The following VAX2 variants were observed in gnomAD, a reference collection of about 807,000 sequenced individuals.
VAX2 encodes ventral anterior homeobox 2.
Under a neutral mutation model 12.5 loss-of-function variants are expected in VAX2, and 8 were observed. That is an observed-to-expected ratio of 0.64 (90% CI 0.37 to 1.15). The LOEUF is 1.15. Ranked by LOEUF, VAX2 falls within the 50% of genes most tolerant of loss-of-function variation. The pLI is 0.01. For missense variants in VAX2, 476 were observed against 412.9 expected (o/e 1.15, Z -1.32); for synonymous variants, 183 against 187.6 (o/e 0.98, Z 0.20).
At chr2:70,917,832 C>T (rs2104772440) in intron 1 of VAX2, among the ~76,000 whole-genome samples, 1 of 152,152 alleles carries the variant, frequency 6.6e-6, no homozygotes, top group East Asian at 1.9e-4. Flanking sequence ...ACAGGGTGGG[C>T]TTGAGGAGGC....
At position 70,933,087 on chromosome 2, in the gene VAX2, G is replaced by T. The variant is rs140378557; in HGVS notation, c.756G>T (p.Ser252=). ...PPPLPAVCFS[S]APLLDLPAGY... ...CTCTGCCAGCTGTCTGCTTTTCCTC[G>T]GCCCCGCTCCTGGATCTGCCTGCCG... The change falls in exon 3 of 3, where the codon TCG becomes TCT. Residue 252 remains serine (S), a synonymous_variant. Coordinates refer to ENST00000234392, the MANE Select transcript of VAX2 (RefSeq NM_012476.3). 1 of 1,609,816 alleles carries T rather than the reference G, an allele frequency of 6.2e-7. No individual in the cohort carries two copies. The highest frequency in any genetic ancestry group is 8.5e-7 in the Non-Finnish European group (1 of 1,178,286).
intron 1 of VAX2, among the ~76,000 whole-genome samples, chr2:70,905,165 A>C (rs1056094287): frequency 4.6e-5 from 7 of 152,128 alleles, no homozygotes; most frequent in Non-Finnish European, 8.8e-5. Flanking sequence ...AGTAAGGACC[A>C]CAGGACTTTA....
At chr2:70,917,840 G>A (rs1039819703) in intron 1 of VAX2, among the ~76,000 whole-genome samples, 2 of 152,072 alleles carry the variant, frequency 1.3e-5, no homozygotes, top group Non-Finnish European at 2.9e-5. Context: ...GGCTTGAGGA[G>A]GCTTATTAAG....
intron 2 of VAX2, among the ~76,000 whole-genome samples, chr2:70,929,678 C>G (rs2104787543): frequency 9.5e-6 from 1 of 105,312 alleles, no homozygotes; most frequent in South Asian, 3.6e-4. Context: ...CAGAGTGAGA[C>G]TCCATCTCAA....
intron 1 of VAX2, among the ~76,000 whole-genome samples, chr2:70,911,150 T>C (rs1284556187): frequency 1.3e-5 from 2 of 152,148 alleles, no homozygotes; most frequent in Non-Finnish European, 1.5e-5. Flanking sequence ...CTTGTTCCTA[T>C]GTGGTTACAA....
intron 2 of VAX2, among the ~76,000 whole-genome samples, chr2:70,924,891 T>C (rs1553413327): frequency 6.6e-6 from 1 of 151,710 alleles, no homozygotes; most frequent in Non-Finnish European, 1.5e-5. Context: ...GGAGCTCAAA[T>C]GGGGTCATAG....
intron 1 of VAX2, among the ~76,000 whole-genome samples, chr2:70,913,182 C>T (rs55698340): frequency 0.22 from 33,481 of 152,110 alleles, 4,196 homozygotes; most frequent in East Asian, 0.51. Flanking sequence ...CATCCTGATA[C>T]TCAGAAACCC....
chr2:70,912,972 G>T (rs1451318265), intron 1 of VAX2, among the ~76,000 whole-genome samples: 1 of 150,592 alleles, frequency 6.6e-6, no homozygotes, highest in African/African-American at 2.5e-5. Flanking sequence ...TACCTGCAAG[G>T]AAGCCCTGGA....
intron 1 of VAX2, among the ~76,000 whole-genome samples, chr2:70,902,765 G>A (rs1553409954): frequency 6.6e-6 from 1 of 152,198 alleles, no homozygotes; most frequent in Non-Finnish European, 1.5e-5. Flanking sequence ...GTGAGGTGGG[G>A]CCACCCAAGC....
In VAX2 at chr2:70,932,773, G is replaced by A. The variant is rs889638318; in HGVS notation, c.442G>A (p.Val148Ile). ...QLNLSETQVK[V>I]WFQNRRTKQK... ...CCCCCTCCCCCACCCCAAGGTGAAG[G>A]TCTGGTTCCAGAACCGCCGCACCAA... The change falls in exon 3 of 3, where the codon GTC (valine) becomes ATC (isoleucine). Residue 148 changes from valine (V) to isoleucine (I), a missense_variant. Coordinates refer to ENST00000234392, the MANE Select transcript of VAX2 (RefSeq NM_012476.3). The A allele has an allele frequency of 5.1e-6, 8 of 1,560,918 alleles. No homozygotes were observed. The highest frequency in any genetic ancestry group is 1.7e-4 in the Middle Eastern group (1 of 5,810).
intron 1 of VAX2, among the ~76,000 whole-genome samples, chr2:70,915,567 T>C (rs1679291473): frequency 6.6e-6 from 1 of 152,230 alleles, no homozygotes. Context: ...AGAAATTTCA[T>C]CCCAAGCCTA....
At chr2:70,908,416 A>G (rs1679108816) in intron 1 of VAX2, among the ~76,000 whole-genome samples, 1 of 152,154 alleles carries the variant, frequency 6.6e-6, no homozygotes, top group Admixed American at 6.5e-5. Flanking sequence ...GTTTATGCCT[A>G]TGGAAATCAG....
Position 70,900,756 on chromosome 2 carries a change from G to A in VAX2, c.135G>A (p.Glu45=). The A allele has an allele frequency of 2.0e-6, 3 of 1,486,912 alleles. No individual in the cohort carries two copies. The highest frequency in any genetic ancestry group is 1.8e-6 in the Non-Finnish European group (2 of 1,118,120). The allele number at this position is 1,486,912 out of a possible 1,614,324, so 92.1% of individuals were successfully genotyped here. Residue 45 remains glutamate, a synonymous_variant, in exon 1 of 3, where the codon GAG becomes GAA. Transcript: ENST00000234392. ...RADGGGHSPT[E]VAGTSASSPA... ...ATGGCGGTGGCCACAGCCCAACGGA[G>A]GTGGCCGGGACCTCAGCCTCCAGTC... is the stretch of plus-strand genomic sequence containing the variant.
intron 2 of VAX2, among the ~76,000 whole-genome samples, chr2:70,923,018 A>AGTGTGT (rs3836140): frequency 7.3e-5 from 11 of 151,168 alleles, no homozygotes; most frequent in South Asian, 6.3e-4. Context: ...AGAGACAGAT[A>AGTGTGT]GTGTGTGTGT....
intron 1 of VAX2, among the ~76,000 whole-genome samples, chr2:70,913,204 G>A (rs1450111387): frequency 6.6e-6 from 1 of 152,168 alleles, no homozygotes; most frequent in Non-Finnish European, 1.5e-5. Context: ...GGCTGGTAAA[G>A]CTTCTTCACT....
chr2:70,930,089 T>C (rs1553414120), intron 2 of VAX2, among the ~76,000 whole-genome samples: 1 of 152,232 alleles, frequency 6.6e-6, no homozygotes, highest in African/African-American at 2.4e-5. Context: ...GTCCCAGAAC[T>C]TGGGAGGCTG....
chr2:70,913,146 A>T lies in VAX2; in HGVS notation c.248-7952A>T, dbSNP rs781893554. The stretch of plus-strand genomic sequence containing the variant: ...ACACAAATGCATTTATCACTCACAG[A>T]AGTCCATCACAAGTGGACAGGGGCT... On this transcript the variant is annotated intron_variant, in intron 1 of 2. Transcript: ENST00000234392. 2.0e-4 allele frequency among the ~76,000 whole-genome samples: 31 copies of T among 152,240 alleles called. 1 individual carries two copies. The highest frequency in any genetic ancestry group is 3.4e-4 in the Non-Finnish European group (23 of 68,050).
intron 1 of VAX2, among the ~76,000 whole-genome samples, chr2:70,910,483 A>T (rs1390945117): frequency 6.6e-6 from 1 of 152,120 alleles, no homozygotes; most frequent in Admixed American, 6.5e-5. Flanking sequence ...ATCTTGTATA[A>T]AAGTGTCATT....
At chr2:70,910,103 A>G (rs979178026) in intron 1 of VAX2, among the ~76,000 whole-genome samples, 1 of 152,188 alleles carries the variant, frequency 6.6e-6, no homozygotes, top group African/African-American at 2.4e-5. Flanking sequence ...TGACTTTTTT[A>G]AGAGTCCCCC....
Sources: gnomAD v4.1 joint callset for allele counts (sites outside exome capture counted in the v4.1 genomes callset) on GRCh38, gnomAD v4.1.1 for gene constraint, MANE v1.5 for transcripts, NCBI Gene and HGNC (gene_info 2026-07-23, HGNC 2026-07-21) for gene names.